The following SOBP variants were observed in gnomAD, a reference collection of about 807,000 sequenced individuals.
SOBP encodes sine oculis binding protein homolog.
SOBP carries 4 observed loss-of-function variants against 53.6 expected under a neutral mutation model. That is an observed-to-expected ratio of 0.07 (90% CI 0.04 to 0.17). SOBP has a LOEUF of 0.17. Among genes scored for constraint, SOBP ranks in the 10% least tolerant of loss-of-function variants. The probability of loss-of-function intolerance (pLI) is 1.00; values close to 1 mark genes in which losing one functional copy is unlikely to be tolerated. For synonymous variants in SOBP, 584 were observed against 522.6 expected (o/e 1.12, Z -1.60); for missense variants, 1,088 against 1,204.7 (o/e 0.90, Z 1.43).
At chr6:107,626,715 G>A (rs558530170) in intron 5 of SOBP, among the ~76,000 whole-genome samples, 30 of 152,306 alleles carry the variant, frequency 2.0e-4, no homozygotes, top group African/African-American at 6.5e-4. Context: ...GGCATGGGAC[G>A]GCCTGGCAAT....
At chr6:107,491,672 AATTT>A (rs67558449) in intron 1 of SOBP, among the ~76,000 whole-genome samples, 8,038 of 152,192 alleles carry the variant, frequency 0.053, 383 homozygotes, top group South Asian at 0.16. Context: ...GATATAAAAC[AATTT>A]ATTTATTTTT....
At chr6:107,577,766 A>G (rs191162998) in intron 4 of SOBP, among the ~76,000 whole-genome samples, 112 of 152,270 alleles carry the variant, frequency 7.4e-4, no homozygotes, top group Admixed American at 4.1e-3. Flanking sequence ...TTTATTTAGT[A>G]AGAATTAGAT....
At chr6:107,626,823 G>C (rs1330676828) in intron 5 of SOBP, among the ~76,000 whole-genome samples, 1 of 151,312 alleles carries the variant, frequency 6.6e-6, no homozygotes, top group Non-Finnish European at 1.5e-5. Context: ...GTTTCCCCAG[G>C]CAGGGTCGTC....
intron 6 of SOBP, among the ~76,000 whole-genome samples, chr6:107,639,356 T>C (rs191806996): frequency 6.6e-6 from 1 of 152,352 alleles, no homozygotes; most frequent in African/African-American, 2.4e-5. Flanking sequence ...ATTTGGAAAT[T>C]ATTCTGTTCC....
At chr6:107,510,890 G>A (rs1783151113) in intron 3 of SOBP, 1 of 152,158 alleles carries the variant, frequency 6.6e-6, no homozygotes, top group South Asian at 2.1e-4. Context: ...GGGAAGATGA[G>A]GATCATGTGT....
At chr6:107,521,903 CATTAAA>C (rs1165492848) in intron 3 of SOBP, among the ~76,000 whole-genome samples, 2 of 142,140 alleles carry the variant, frequency 1.4e-5, no homozygotes, top group African/African-American at 5.5e-5. Flanking sequence ...AAGAGACAGA[CATTAAA>C]ACACACACAC....
Position 107,567,220 on chromosome 6 carries a change from T to C in SOBP, c.574-19860T>C, listed in dbSNP as rs565775798. ...TAGAAAAGAAATAGCAGGAAGCACA[T>C]TGGGAAGACGGACACATTTTCTTCC... On this transcript the variant is annotated intron_variant, in intron 4 of 6. Coordinates refer to ENST00000317357, the MANE Select transcript of SOBP (RefSeq NM_018013.4). 4.0e-4 allele frequency among the ~76,000 whole-genome samples: 61 copies of C among 152,304 alleles called. 1 individual carries two copies. The South Asian group carries it at 0.012, about 30-fold the overall frequency.
chr6:107,616,734 A>G (rs1486421551), intron 5 of SOBP, among the ~76,000 whole-genome samples: 1 of 152,178 alleles, frequency 6.6e-6, no homozygotes, highest in Non-Finnish European at 1.5e-5. Context: ...GGGTCTGATG[A>G]TTACTTTGAC....
At chr6:107,565,605 G>A (rs1026491093) in intron 4 of SOBP, among the ~76,000 whole-genome samples, 1 of 152,178 alleles carries the variant, frequency 6.6e-6, no homozygotes, top group African/African-American at 2.4e-5. Context: ...TCTGGAATGA[G>A]ATAGGTGTGG....
In SOBP at chr6:107,587,145, G is replaced by C. The variant is rs969244101; in HGVS notation, c.639G>C (p.Arg213Ser). The change falls in exon 5 of 7, where the codon AGG (arginine) becomes AGC (serine). Residue 213 changes from arginine to serine, a missense_variant. This residue lies in a region of SOBP where 55 missense variants were observed against 134.3 expected (regional missense o/e 0.41). Transcript: ENST00000317357. ...AGCACTATGCTAAGGAAACTCCAAGGCTTGCCTTCAAGAATAACTGCGAAC... is the reference window on the plus strand; with the variant it reads ...AGCACTATGCTAAGGAAACTCCAAGCCTTGCCTTCAAGAATAACTGCGAAC... ...PQQHYAKETP[R>S]LAFKNNCELL... 8 of 1,613,450 alleles carry C rather than the reference G, an allele frequency of 5.0e-6. No individual in the cohort carries two copies. The highest frequency in any genetic ancestry group is 5.1e-6 in the Non-Finnish European group (6 of 1,179,758).
chr6:107,540,617 C>T (rs1221033231), intron 4 of SOBP, among the ~76,000 whole-genome samples: 1 of 152,220 alleles, frequency 6.6e-6, no homozygotes, highest in East Asian at 1.9e-4. Context: ...CTCTGTGAGG[C>T]AGATCAATGG....
intron 4 of SOBP, among the ~76,000 whole-genome samples, chr6:107,549,010 G>A (rs1222944155): frequency 1.3e-5 from 2 of 152,144 alleles, no homozygotes; most frequent in Non-Finnish European, 2.9e-5. Flanking sequence ...GCTCAAGCCT[G>A]TAATCCCAGC....
chr6:107,568,909 C>A (rs570620365), intron 4 of SOBP, among the ~76,000 whole-genome samples: 1 of 152,290 alleles, frequency 6.6e-6, no homozygotes, highest in East Asian at 1.9e-4. Flanking sequence ...AATCTTTACA[C>A]TCCCACACTT....
intron 4 of SOBP, among the ~76,000 whole-genome samples, chr6:107,549,091 C>G: frequency 6.6e-6 from 1 of 152,062 alleles, no homozygotes; most frequent in African/African-American, 2.4e-5. Context: ...ATGGTTAAAC[C>G]CTGTCTCTAC....
intron 5 of SOBP, among the ~76,000 whole-genome samples, chr6:107,601,455 G>A (rs1786177425): frequency 6.6e-6 from 1 of 152,180 alleles, no homozygotes; most frequent in African/African-American, 2.4e-5. Context: ...AAGACATTAG[G>A]TTTAAAAATA....
At position 107,634,852 on chromosome 6, in the gene SOBP, C is replaced by G; in HGVS notation, c.2008C>G (p.Arg670Gly). Residue 670 changes from arginine to glycine, a missense_variant, in exon 6 of 7, where the codon CGC (arginine) becomes GGC (glycine). Transcript: ENST00000317357. The surrounding 1 kb of genome is among the most constrained non-coding windows in gnomAD (Gnocchi z 4.5). ...HRARLHNVIH[R>G]ALHAHVKAER... ...AGCCCGGCTGCACAACGTGATCCAC[C>G]GCGCGCTGCACGCGCACGTCAAGGC... The G allele has an allele frequency of 7.2e-7, 1 of 1,394,750 alleles. No homozygotes were observed. Among genetic ancestry groups the G allele is most frequent in the South Asian group, 1.4e-5 (1 of 70,010 alleles). The allele number at this position is 1,394,750 out of a possible 1,614,324, so 86.4% of individuals were successfully genotyped here. A position where few individuals can be genotyped will look rare whatever the true frequency, so the allele number is the denominator to read the frequency against.
intron 4 of SOBP, among the ~76,000 whole-genome samples, chr6:107,539,832 T>G (rs547090440): frequency 6.6e-6 from 1 of 152,088 alleles, no homozygotes; most frequent in Admixed American, 6.5e-5. Flanking sequence ...AATGAGCGTT[T>G]AAAGAATTAT....
chr6:107,534,874 C>T (rs180825942), intron 4 of SOBP, among the ~76,000 whole-genome samples: 3 of 152,218 alleles, frequency 2.0e-5, no homozygotes, highest in Admixed American at 6.5e-5. Flanking sequence ...GAATGATGCA[C>T]GGGAGACACG....
intron 4 of SOBP, among the ~76,000 whole-genome samples, chr6:107,553,555 C>T (rs1324319290): frequency 2.0e-5 from 3 of 151,230 alleles, no homozygotes; most frequent in African/African-American, 7.3e-5. Flanking sequence ...GCAGTGGTCT[C>T]GGCTTACTGC....
Sources: allele counts gnomAD v4.1 joint callset (sites outside exome capture counted in the v4.1 genomes callset), GRCh38; gene constraint gnomAD v4.1.1; regional missense constraint gnomAD v4.1.1; non-coding constraint Gnocchi (gnomAD v3.1); transcripts MANE v1.5; gene names NCBI Gene and HGNC (gene_info 2026-07-23, HGNC 2026-07-21).